The following SP1 variants were observed in gnomAD, a reference collection of about 807,000 sequenced individuals.
SP1 encodes the protein Sp1 transcription factor.
SP1 carries 6 observed loss-of-function variants against 66.3 expected under a neutral mutation model. The observed-to-expected ratio is 0.09, with a 90% confidence interval of 0.05 to 0.18. The LOEUF is 0.18. Ranked by LOEUF, SP1 falls within the 10% of genes least tolerant of loss-of-function variation. The pLI, the probability that SP1 is intolerant of heterozygous loss-of-function variation, is 1.00. For missense variants in SP1, 848 were observed against 964.5 expected, an observed-to-expected ratio of 0.88 and a Z score of 1.60; for synonymous variants, 417 against 360.8, an observed-to-expected ratio of 1.16 and a Z score of -1.77.
intron 1 of SP1, chr12:53,380,766 C>T (rs1592552547): frequency 1.8e-6 from 1 of 564,540 alleles, no homozygotes; most frequent in Non-Finnish European, 2.2e-6. Context: ...CCCGCCCTTT[C>T]CACGCCCCTC....
In SP1 at chr12:53,413,718, C is replaced by CA. The variant is rs1040141800; in HGVS notation, c.*2479dup. ...TTTGGAGGAAAGGGGCAGGATAACT[C>CA]ACTGGAATGTACAGTATTTTGCTAG... is the stretch of plus-strand genomic sequence containing the variant. On this transcript the variant is annotated 3_prime_UTR_variant, in exon 6 of 6. Coordinates refer to ENST00000327443, the MANE Select transcript of SP1 (RefSeq NM_138473.3). 3 of 152,480 alleles carry CA rather than the reference C, an allele frequency of 2.0e-5. No individual in the cohort carries two copies. The highest frequency in any genetic ancestry group is 7.2e-5 in the African/African-American group (3 of 41,418). 9.4% of individuals were successfully genotyped at this position (152,480 alleles called of 1,614,324 possible).
At chr12:53,408,289 T>C (rs1319058361) in intron 4 of SP1, among the ~76,000 whole-genome samples, 2 of 137,878 alleles carry the variant, frequency 1.5e-5, no homozygotes, top group Non-Finnish European at 3.1e-5. Context: ...CAGGCTGGAG[T>C]GCAACGGCAC....
At chr12:53,409,282 T>A (rs1240817226) in intron 4 of SP1, 80 bp from the exon 5 acceptor site, 1 of 1,166,056 alleles carries the variant, frequency 8.6e-7, no homozygotes. Flanking sequence ...TTGGTGTCGA[T>A]TGGGTGATTG....
chr12:53,407,346 G>C (rs1026040580), intron 4 of SP1, among the ~76,000 whole-genome samples: 3 of 147,810 alleles, frequency 2.0e-5, no homozygotes, highest in African/African-American at 7.5e-5. Context: ...TTTTTTTTCT[G>C]AGACAAAGTC....
chr12:53,395,242 A>G (rs971750301), intron 3 of SP1, among the ~76,000 whole-genome samples: 23 of 152,110 alleles, frequency 1.5e-4, no homozygotes, highest in African/African-American at 5.6e-4. Context: ...CCCAAGGCTG[A>G]GACAGGAGAA....
chr12:53,401,750 C>T (rs1167753189), intron 3 of SP1, among the ~76,000 whole-genome samples: 2 of 152,114 alleles, frequency 1.3e-5, no homozygotes, highest in African/African-American at 4.8e-5. Flanking sequence ...CTCCCTGCAA[C>T]CTCCATCTCC....
chr12:53,394,714 A>G (rs1938442446), intron 3 of SP1, among the ~76,000 whole-genome samples: 1 of 139,312 alleles, frequency 7.2e-6, no homozygotes, highest in African/African-American at 2.7e-5. Flanking sequence ...TCCCGGGTTC[A>G]TGCCATTCTC....
At chr12:53,399,358 G>A (rs1202622063) in intron 3 of SP1, among the ~76,000 whole-genome samples, 1 of 151,678 alleles carries the variant, frequency 6.6e-6, no homozygotes, top group Non-Finnish European at 1.5e-5. Context: ...TTTTGAGACG[G>A]AATCTCGCTC....
chr12:53,385,032 C>T (rs961063682), intron 3 of SP1, among the ~76,000 whole-genome samples: 24 of 151,040 alleles, frequency 1.6e-4, no homozygotes, highest in African/African-American at 4.6e-4. Flanking sequence ...CGGTGGCTCA[C>T]GCCTGTAATC....
At chr12:53,399,271 C>T (rs769457499) in intron 3 of SP1, among the ~76,000 whole-genome samples, 4 of 152,120 alleles carry the variant, frequency 2.6e-5, no homozygotes, top group Non-Finnish European at 5.9e-5. Context: ...GCCTTAGCCT[C>T]CCGAGTAGCT....
Position 53,411,745 on chromosome 12 carries a change from T to G in SP1, c.*505T>G, listed in dbSNP as rs1938894170. 2.0e-5 allele frequency: 3 copies of G among 151,610 alleles called. No individual in the cohort carries two copies. In the South Asian group the frequency reaches 6.2e-4, roughly 31 times the overall value. The allele number at this position is 151,610 out of a possible 1,614,324, so 9.4% of individuals were successfully genotyped here. The stretch of plus-strand genomic sequence containing the variant: ...AAGACCATTCTGTGACCAAAATACC[T>G]TGGTCATTTTTTTTATATTGCCTTA... On this transcript the variant is annotated 3_prime_UTR_variant, in exon 6 of 6. Transcript: ENST00000327443.
At position 53,411,405 on chromosome 12, in the gene SP1, A is replaced by AC; in HGVS notation, c.*168dup. The AC allele has an allele frequency of 1.7e-6, 1 of 580,996 alleles. No individual in the cohort carries two copies. The highest frequency in any genetic ancestry group is 3.0e-6 in the Non-Finnish European group (1 of 334,982). 36.0% of individuals were successfully genotyped at this position (580,996 alleles called of 1,614,324 possible). A position where few individuals can be genotyped will look rare whatever the true frequency, so the allele number is the denominator to read the frequency against. ...ACAAGAGAGGAGATGGGGTCCCGGC[A>AC]CCCATCTGTATCATCAGTGCCTCTT... On this transcript the variant is annotated 3_prime_UTR_variant, in exon 6 of 6. Coordinates refer to ENST00000327443, the MANE Select transcript of SP1 (RefSeq NM_138473.3).
intron 3 of SP1, among the ~76,000 whole-genome samples, chr12:53,393,607 T>C (rs1290746985): frequency 4.2e-5 from 6 of 143,066 alleles, no homozygotes; most frequent in African/African-American, 7.9e-5. Context: ...TTTTTTTTTT[T>C]CAATTTTGAG....
At chr12:53,405,147 C>T (rs1160083073) in intron 3 of SP1, among the ~76,000 whole-genome samples, 1 of 151,840 alleles carries the variant, frequency 6.6e-6, no homozygotes, top group African/African-American at 2.4e-5. Context: ...CCATGCCCAG[C>T]CTATTATTTA....
intron 3 of SP1, among the ~76,000 whole-genome samples, chr12:53,391,953 C>G (rs118140185): frequency 0.012 from 1,774 of 152,088 alleles, 16 homozygotes; most frequent in Non-Finnish European, 0.018. Flanking sequence ...TATGGCTATC[C>G]TGAAAAACGT....
intron 3 of SP1, among the ~76,000 whole-genome samples, chr12:53,385,912 CAAAAA>C (rs201937295): frequency 1.5e-4 from 15 of 102,000 alleles, no homozygotes; most frequent in Middle Eastern, 7.4e-3. Context: ...GACTCCGTCT[CAAAAA>C]AAAAAAAAAA....
chr12:53,412,498 A>G lies in SP1; in HGVS notation c.*1258A>G, dbSNP rs1309702771. 6.6e-6 allele frequency: 1 copy of G among 152,624 alleles called. No homozygotes were observed. Among genetic ancestry groups the G allele is most frequent in the Non-Finnish European group, 1.5e-5 (1 of 68,042 alleles). 9.5% of individuals were successfully genotyped at this position (152,624 alleles called of 1,614,324 possible). A position where few individuals can be genotyped will look rare whatever the true frequency, so the allele number is the denominator to read the frequency against. On this transcript the variant is annotated 3_prime_UTR_variant, in exon 6 of 6. Coordinates refer to ENST00000327443, the MANE Select transcript of SP1 (RefSeq NM_138473.3). ...CCCACTAGGTTCTTTTCCATTGTCAATAAGGAGCATCAGCCAGTGAATCTG... is the reference window on the plus strand; with the variant it reads ...CCCACTAGGTTCTTTTCCATTGTCAGTAAGGAGCATCAGCCAGTGAATCTG...
At chr12:53,403,033 A>G (rs1938645166) in intron 3 of SP1, among the ~76,000 whole-genome samples, 1 of 151,766 alleles carries the variant, frequency 6.6e-6, no homozygotes, top group African/African-American at 2.4e-5. Context: ...CTGCAATCAC[A>G]GCTACTCGGG....
chr12:53,411,576 CT>C lies in SP1; in HGVS notation c.*339del, dbSNP rs1021824498. 48 of 185,446 alleles carry C rather than the reference CT, an allele frequency of 2.6e-4. No homozygotes were observed. The highest frequency in any genetic ancestry group is 1.1e-3 in the African/African-American group (47 of 42,590). The allele number at this position is 185,446 out of a possible 1,614,324, so 11.5% of individuals were successfully genotyped here. ...GCTCTTCCATGATGGATTCCCCCCC[CT>C]TTCCTAAAGCCATCATGCCTTGATA... On this transcript the variant is annotated 3_prime_UTR_variant, in exon 6 of 6. Coordinates refer to ENST00000327443, the MANE Select transcript of SP1 (RefSeq NM_138473.3).
Sources: allele counts gnomAD v4.1 joint callset (sites outside exome capture counted in the v4.1 genomes callset), GRCh38; gene constraint gnomAD v4.1.1; transcripts MANE v1.5; gene names NCBI Gene and HGNC (gene_info 2026-07-23, HGNC 2026-07-21).